Variants in SPAG17 observed in about 807,000 individuals in gnomAD.
SPAG17 encodes the protein sperm associated antigen 17.
A neutral mutation model predicts 273.6 loss-of-function variants in SPAG17; 169 were observed. That is an observed-to-expected ratio of 0.62 (90% confidence interval 0.55 to 0.70). The LOEUF is 0.70. Ranked by LOEUF, SPAG17 falls within the 30% of genes least tolerant of loss-of-function variation. SPAG17 has a pLI of 0.00. For synonymous variants in SPAG17, 825 were observed against 873.2 expected, an observed-to-expected ratio of 0.94 and a Z score of 0.97; for missense variants, 2,557 against 2,627.8, an observed-to-expected ratio of 0.97 and a Z score of 0.59.
intron 1 of SPAG17, among the ~76,000 whole-genome samples, chr1:118,158,676 C>A (rs1659771408): frequency 6.6e-6 from 1 of 152,196 alleles, no homozygotes; most frequent in Admixed American, 6.6e-5. Context: ...TCATTACAGA[C>A]CTTAGCAGAA....
chr1:118,112,614 CATG>C (rs1478199302), intron 4 of SPAG17, among the ~76,000 whole-genome samples: 1 of 151,982 alleles, frequency 6.6e-6, no homozygotes, highest in African/African-American at 2.4e-5. Context: ...GCATTTTCTT[CATG>C]ATATTTATAT....
chr1:118,061,208 T>C (rs1006552381), intron 18 of SPAG17, among the ~76,000 whole-genome samples: 31 of 152,060 alleles, frequency 2.0e-4, no homozygotes, highest in African/African-American at 7.5e-4. Context: ...TGAGTATATA[T>C]GCAAAAAAAA....
At chr1:118,099,905 T>C in intron 5 of SPAG17, 105 bp from the exon 6 acceptor site, 1 of 953,062 alleles carries the variant, frequency 1.0e-6, no homozygotes, top group Non-Finnish European at 1.5e-6. Flanking sequence ...TTATAATCCC[T>C]CTGGCTTGCC....
At chr1:117,958,911 A>G (rs1193914529) in intron 48 of SPAG17, 1 of 1,612,792 alleles carries the variant, frequency 6.2e-7, no homozygotes, top group African/African-American at 1.3e-5. Flanking sequence ...TTCTATCAGG[A>G]TTCACTTTGG....
chr1:118,115,480 A>G, intron 3 of SPAG17, 39 bp from the exon 4 acceptor site: 1 of 1,590,328 alleles, frequency 6.3e-7, no homozygotes, highest in Non-Finnish European at 8.6e-7. Context: ...GTGATGTTTT[A>G]TAACCTTTGG....
At chr1:118,116,691 T>C (rs574158592) in intron 3 of SPAG17, among the ~76,000 whole-genome samples, 5 of 152,190 alleles carry the variant, frequency 3.3e-5, no homozygotes, top group East Asian at 1.9e-4. Context: ...CTGGACCTCA[T>C]AGAGATCACA....
chr1:117,981,412 C>A lies in SPAG17; in HGVS notation c.5873-11G>T, dbSNP rs1357712984. The A allele has an allele frequency of 1.3e-6, 2 of 1,588,136 alleles. No individual in the cohort carries two copies. The highest frequency in any genetic ancestry group is 1.2e-5 in the South Asian group (1 of 85,278). On this transcript the variant is annotated splice_polypyrimidine_tract_variant and intron_variant, in intron 42 of 48. Coordinates refer to ENST00000336338, the MANE Select transcript of SPAG17 (RefSeq NM_206996.4). The stretch of plus-strand genomic sequence containing the variant: ...TATGTGGCTTGAAATCTAGAAAACC[C>A]AAAATGAACCTTATAAAGTGATATT...
At chr1:118,086,108 A>T in intron 12 of SPAG17, 36 bp from the exon 13 acceptor site, 1 of 1,606,694 alleles carries the variant, frequency 6.2e-7, no homozygotes, top group Non-Finnish European at 8.5e-7. Flanking sequence ...AAGACATTAG[A>T]GTAAGCTGTT....
intron 20 of SPAG17, among the ~76,000 whole-genome samples, chr1:118,042,831 G>A (rs1452128122): frequency 6.6e-6 from 1 of 152,110 alleles, no homozygotes; most frequent in Non-Finnish European, 1.5e-5. Flanking sequence ...CCTATGCCTG[G>A]AACTACTCCC....
In SPAG17 at chr1:117,988,087, A is replaced by T; in HGVS notation, c.5621+18T>A. On this transcript the variant is annotated intron_variant, in intron 39 of 48. Coordinates refer to ENST00000336338, the MANE Select transcript of SPAG17 (RefSeq NM_206996.4). ...GCATACCTAATACTAATTAGAACAC[A>T]TTATTGGATTAGCTTACCTCCATGT... 6.3e-7 allele frequency: 1 copy of T among 1,578,938 alleles called. No homozygotes were observed.
intron 46 of SPAG17, among the ~76,000 whole-genome samples, chr1:117,967,155 TAATATA>T (rs1386102335): frequency 1.3e-5 from 2 of 151,978 alleles, no homozygotes; most frequent in Non-Finnish European, 1.5e-5. Flanking sequence ...AAATTTAATC[TAATATA>T]AATATAAATC....
chr1:118,095,631 G>A (rs533769718), intron 7 of SPAG17, among the ~76,000 whole-genome samples: 115 of 152,296 alleles, frequency 7.6e-4, no homozygotes, highest in African/African-American at 2.6e-3. Flanking sequence ...GAGAACAGCT[G>A]GTCTGTGGAA....
chr1:117,965,753 G>T (rs1447127602), intron 47 of SPAG17: 1 of 152,170 alleles, frequency 6.6e-6, no homozygotes, highest in Non-Finnish European at 1.5e-5. Context: ...CACCCACAGG[G>T]TCAGGAATCT....
chr1:118,130,465 T>G (rs2102295955), intron 3 of SPAG17, among the ~76,000 whole-genome samples: 1 of 152,078 alleles, frequency 6.6e-6, no homozygotes, highest in South Asian at 2.1e-4. Flanking sequence ...AACTCTGGGG[T>G]TTTCCAGGGA....
chr1:118,022,520 G>A (rs1647230668), intron 28 of SPAG17, among the ~76,000 whole-genome samples: 1 of 152,140 alleles, frequency 6.6e-6, no homozygotes, highest in South Asian at 2.1e-4. Context: ...TGATTATCAT[G>A]TTGAATAAGA....
rs1412894027 is a variant in SPAG17 at position 117,983,828 on chromosome 1, G to A, written c.5855C>T (p.Thr1952Ile). Residue 1952 changes from threonine (T) to isoleucine (I), a missense_variant, in exon 42 of 49, where the codon ACA (threonine) becomes ATA (isoleucine). Coordinates refer to ENST00000336338, the MANE Select transcript of SPAG17 (RefSeq NM_206996.4). Reference protein sequence around the residue: ...EDANETAVQDTSDLNLDFKPH... With the variant: ...EDANETAVQDISDLNLDFKPH... ...CATATTACCTAGATTAAGATCAGAT[G>A]TATCTTGAACAGCTGTTTCGTTTGC... 7 of 1,609,630 alleles carry A rather than the reference G, an allele frequency of 4.3e-6. No individual in the cohort carries two copies. Among genetic ancestry groups the A allele is most frequent in the Non-Finnish European group, 5.9e-6 (7 of 1,177,082 alleles).
rs190687015 is a variant in SPAG17 at position 118,171,236 on chromosome 1, A to C, written c.87+13835T>G. Among the ~76,000 whole-genome samples the C allele has an allele frequency of 3.7e-4, 57 of 152,306 alleles. 1 individual carries two copies. Among genetic ancestry groups the C allele is most frequent in the Admixed American group, 1.2e-3 (18 of 15,296 alleles). On this transcript the variant is annotated intron_variant, in intron 1 of 48. Transcript: ENST00000336338. ...AGTTGAATTGCAAGGTCCATGTAAA[A>C]TGTTATGATTGTCACAACTTACTGT...
intron 28 of SPAG17, among the ~76,000 whole-genome samples, chr1:118,019,727 G>A (rs570857171): frequency 6.6e-6 from 1 of 152,232 alleles, no homozygotes; most frequent in African/African-American, 2.4e-5. Flanking sequence ...AAGACCGTTA[G>A]ATTATCCTCA....
At chr1:117,954,455 G>A in intron 48 of SPAG17, 1 of 872,266 alleles carries the variant, frequency 1.1e-6, no homozygotes, top group Non-Finnish European at 1.8e-6. Context: ...TTTACACTCT[G>A]TCAGTTTTTT....
Sources: gnomAD v4.1 joint callset for allele counts (sites outside exome capture counted in the v4.1 genomes callset) on GRCh38, gnomAD v4.1.1 for gene constraint, MANE v1.5 for transcripts, NCBI Gene and HGNC (gene_info 2026-07-23, HGNC 2026-07-21) for gene names.